Variants in PDGFD observed in about 807,000 individuals in gnomAD.
The protein encoded by PDGFD is platelet-derived growth factor D.
PDGFD carries 30 observed loss-of-function variants against 44.7 expected under a neutral mutation model. The ratio of observed to expected loss-of-function variants is 0.67; its 90% CI spans 0.50 to 0.91. The LOEUF is 0.91. PDGFD is among the 40% of genes least tolerant of loss of function. The pLI is 0.00. For missense variants in PDGFD, 445 were observed against 457.8 expected (o/e 0.97, Z 0.25); for synonymous variants, 173 against 168.4 (o/e 1.03, Z -0.21).
chr11:104,133,925 A>G (rs1167556730), intron 1 of PDGFD, among the ~76,000 whole-genome samples: 1 of 152,144 alleles, frequency 6.6e-6, no homozygotes, highest in Non-Finnish European at 1.5e-5. Context: ...GAAGATACCT[A>G]GCAGCCAACA....
At chr11:104,039,663 A>C (rs1433058469) in intron 1 of PDGFD, among the ~76,000 whole-genome samples, 2 of 152,182 alleles carry the variant, frequency 1.3e-5, no homozygotes, top group Non-Finnish European at 2.9e-5. Context: ...GTTTGTAATT[A>C]AGAACTCAAA....
intron 1 of PDGFD, among the ~76,000 whole-genome samples, chr11:104,078,529 C>T (rs955975276): frequency 5.2e-5 from 3 of 58,060 alleles, no homozygotes; most frequent in Non-Finnish European, 8.9e-5. Flanking sequence ...TTTAATGACA[C>T]GTTATATCTC....
intron 3 of PDGFD, among the ~76,000 whole-genome samples, chr11:103,984,243 C>T (rs1376689429): frequency 6.6e-6 from 1 of 151,592 alleles, no homozygotes; most frequent in African/African-American, 2.4e-5. Context: ...AAAAGAATGA[C>T]ACCACATCCT....
intron 6 of PDGFD, among the ~76,000 whole-genome samples, chr11:103,915,079 A>G (rs577703664): frequency 1.3e-5 from 2 of 152,132 alleles, no homozygotes; most frequent in African/African-American, 4.8e-5. Context: ...TCAAGATACT[A>G]TTGGAAGTTC....
At chr11:103,987,301 T>C (rs1171266302) in intron 3 of PDGFD, among the ~76,000 whole-genome samples, 1 of 152,060 alleles carries the variant, frequency 6.6e-6, no homozygotes, top group Non-Finnish European at 1.5e-5. Context: ...CCCACCCCAT[T>C]TCTCTTTTGG....
rs533862019 is a variant in PDGFD, at chr11:104,122,012, T to C, written c.124+41792A>G. On this transcript the variant is annotated intron_variant, in intron 1 of 6. Transcript: ENST00000393158. ...CCAAGTGTTTTTATACTGGTCTTAT[T>C]GATACAAGAGGTAGAAAGCAATTAT... Among the ~76,000 whole-genome samples, 195 of 152,174 alleles carry C rather than the reference T, an allele frequency of 1.3e-3. 2 individuals are homozygous for C. Among genetic ancestry groups the C allele is most frequent in the Non-Finnish European group, 6.0e-4 (41 of 67,972 alleles).
chr11:104,061,948 A>AAACTAACTTGTT (rs111606983), intron 1 of PDGFD, among the ~76,000 whole-genome samples: 268 of 151,962 alleles, frequency 1.8e-3, no homozygotes, highest in Middle Eastern at 6.8e-3. Flanking sequence ...TACAACTCGA[A>AAACTAACTTGTT]GAAGTTCAAG....
At chr11:104,009,981 C>T (rs1287154402) in intron 1 of PDGFD, among the ~76,000 whole-genome samples, 2 of 152,110 alleles carry the variant, frequency 1.3e-5, no homozygotes, top group Admixed American at 1.3e-4. Flanking sequence ...CTTCCAATAG[C>T]TCACATTAGC....
intron 1 of PDGFD, among the ~76,000 whole-genome samples, chr11:104,145,917 A>G (rs1346185134): frequency 2.0e-5 from 3 of 152,238 alleles, no homozygotes; most frequent in Non-Finnish European, 4.4e-5. Context: ...AGGAAAGAAC[A>G]TGTGAAGACA....
chr11:103,940,827 C>G (rs561830994), intron 5 of PDGFD, among the ~76,000 whole-genome samples: 1 of 152,154 alleles, frequency 6.6e-6, no homozygotes, highest in East Asian at 1.9e-4. Flanking sequence ...GAAATGCAAC[C>G]TAAGCCAGCA....
chr11:104,144,507 C>CAAAAAAAAAAAAAAAA (rs201864924), intron 1 of PDGFD, among the ~76,000 whole-genome samples: 13 of 73,808 alleles, frequency 1.8e-4, no homozygotes, highest in African/African-American at 6.9e-4. Context: ...ACTCCGTCAC[C>CAAAAAAAAAAAAAAAA]AAAAAAAAAA....
intron 3 of PDGFD, among the ~76,000 whole-genome samples, chr11:103,968,036 A>G (rs1181262925): frequency 2.0e-5 from 3 of 152,128 alleles, no homozygotes; most frequent in Non-Finnish European, 4.4e-5. Flanking sequence ...GCCAAAGCCA[A>G]CGCAACTTCT....
chr11:103,984,174 G>C (rs1174810356), intron 3 of PDGFD, among the ~76,000 whole-genome samples: 2 of 151,670 alleles, frequency 1.3e-5, no homozygotes, highest in Non-Finnish European at 2.9e-5. Context: ...GGTCATCAAT[G>C]TTAGATTGGA....
intron 1 of PDGFD, among the ~76,000 whole-genome samples, chr11:104,036,273 C>T (rs1860230466): frequency 6.6e-6 from 1 of 151,632 alleles, no homozygotes; most frequent in Non-Finnish European, 1.5e-5. Flanking sequence ...GACCCCAAAT[C>T]TATTAAAAAA....
chr11:103,919,137 G>A (rs1260709801), intron 6 of PDGFD, among the ~76,000 whole-genome samples: 1 of 152,170 alleles, frequency 6.6e-6, no homozygotes, highest in Admixed American at 6.5e-5. Flanking sequence ...CAAAGCCAGG[G>A]AAACTTGACG....
At chr11:103,984,499 C>G (rs1348038471) in intron 3 of PDGFD, among the ~76,000 whole-genome samples, 3 of 151,642 alleles carry the variant, frequency 2.0e-5, no homozygotes, top group Middle Eastern at 3.4e-3. Flanking sequence ...ATCTGTACAA[C>G]AAACCCCCAT....
intron 1 of PDGFD, among the ~76,000 whole-genome samples, chr11:104,071,053 TG>T (rs1173611577): frequency 6.6e-6 from 1 of 151,734 alleles, no homozygotes; most frequent in Non-Finnish European, 1.5e-5. Flanking sequence ...ACTAGGGGAG[TG>T]TGATGTAAAC....
At chr11:103,987,807 C>T (rs1859391621) in intron 3 of PDGFD, among the ~76,000 whole-genome samples, 1 of 152,016 alleles carries the variant, frequency 6.6e-6, no homozygotes, top group South Asian at 2.1e-4. Context: ...GGCCTTTATG[C>T]AGGCAACGCC....
chr11:103,925,672 T>C (rs1777811294), intron 6 of PDGFD, among the ~76,000 whole-genome samples: 1 of 121,688 alleles, frequency 8.2e-6, no homozygotes, highest in African/African-American at 3.4e-5. Flanking sequence ...TATGTGTGTG[T>C]GTCTGTGTAT....
Sources: gnomAD v4.1 joint callset for allele counts (sites outside exome capture counted in the v4.1 genomes callset) on GRCh38, gnomAD v4.1.1 for gene constraint, MANE v1.5 for transcripts, NCBI Gene and HGNC (gene_info 2026-07-23, HGNC 2026-07-21) for gene names.